ALDH1A2: variants seen among roughly 807,000 people sequenced by gnomAD.
ALDH1A2 encodes retinal dehydrogenase 2.
ALDH1A2 carries 27 observed loss-of-function variants against 60.3 expected under a neutral mutation model. The observed-to-expected ratio is 0.45, with a 90% CI of 0.33 to 0.62. The LOEUF (loss-of-function observed/expected upper bound fraction) is 0.62. ALDH1A2 is among the 20% of genes least tolerant of loss of function. ALDH1A2 has a pLI of 0.02. For synonymous variants in ALDH1A2, 289 were observed against 232.4 expected (o/e 1.24, Z -2.21); for missense variants, 581 against 643.8 (o/e 0.90, Z 1.06).
At chr15:58,020,274 T>C (rs564092211) in intron 1 of ALDH1A2, among the ~76,000 whole-genome samples, 16 of 152,228 alleles carry the variant, frequency 1.1e-4, no homozygotes, top group Non-Finnish European at 1.9e-4. Context: ...AGTGCTGCAA[T>C]GAACATACGT....
At chr15:58,006,450 G>A (rs1025542483) in intron 4 of ALDH1A2, among the ~76,000 whole-genome samples, 16 of 151,906 alleles carry the variant, frequency 1.1e-4, no homozygotes, top group African/African-American at 3.4e-4. Context: ...TATTTTTGCA[G>A]TTTCAAATTG....
At chr15:57,994,977 C>A in intron 5 of ALDH1A2, 101 bp downstream of exon 5, 1 of 1,155,628 alleles carries the variant, frequency 8.7e-7, no homozygotes, top group Non-Finnish European at 1.3e-6. Context: ...TTTTTTCCTC[C>A]AGTAATGGAA....
intron 7 of ALDH1A2, among the ~76,000 whole-genome samples, chr15:57,983,326 G>C (rs1894578954): frequency 6.6e-6 from 1 of 152,142 alleles, no homozygotes; most frequent in South Asian, 2.1e-4. Context: ...AACACATTGT[G>C]AGTCCCTGAG....
intron 4 of ALDH1A2, among the ~76,000 whole-genome samples, chr15:58,007,950 T>G (rs1895512052): frequency 6.6e-6 from 1 of 152,088 alleles, no homozygotes; most frequent in South Asian, 2.1e-4. Flanking sequence ...GATCTTCCCC[T>G]ATGACTCCCC....
At chr15:57,971,967 C>T (rs1321467777) in intron 7 of ALDH1A2, among the ~76,000 whole-genome samples, 6 of 152,156 alleles carry the variant, frequency 3.9e-5, no homozygotes, top group African/African-American at 9.7e-5. Flanking sequence ...TGGGCTCACA[C>T]GATCTTCTGG....
At chr15:57,966,797 A>G (rs1596069032) in intron 7 of ALDH1A2, among the ~76,000 whole-genome samples, 1 of 152,166 alleles carries the variant, frequency 6.6e-6, no homozygotes, top group African/African-American at 2.4e-5. Flanking sequence ...CCACTTCCCC[A>G]GGGCCACTCC....
At position 57,955,489 on chromosome 15, in the gene ALDH1A2, A is replaced by AAAG. The variant is rs570589903; in HGVS notation, c.1485-223_1485-221dup. Among the ~76,000 whole-genome samples the AAAG allele has an allele frequency of 3.1e-3, 466 of 152,322 alleles. 4 individuals carry two copies. Among genetic ancestry groups the AAAG allele is most frequent in the African/African-American group, 0.011 (438 of 41,578 alleles). On this transcript the variant is annotated intron_variant, in intron 12 of 12. Transcript: ENST00000249750. ...TTTAAAGAAGTTTTTTTAAAACTTT[A>AAAG]AAGTTTTTTAAAGTAGTTTTAAAGT...
At chr15:57,970,517 C>A (rs751412524) in intron 7 of ALDH1A2, among the ~76,000 whole-genome samples, 3 of 152,162 alleles carry the variant, frequency 2.0e-5, no homozygotes, top group Non-Finnish European at 4.4e-5. Flanking sequence ...TAGGGGAAAG[C>A]AATTTGGGGC....
intron 7 of ALDH1A2, chr15:57,990,591 T>C (rs1191813456): frequency 6.6e-6 from 1 of 152,168 alleles, no homozygotes; most frequent in African/African-American, 2.4e-5. Flanking sequence ...AGTTACACAA[T>C]AGGCCGGACA....
At chr15:58,013,280 C>T (rs560899939) in intron 3 of ALDH1A2, among the ~76,000 whole-genome samples, 3 of 152,110 alleles carry the variant, frequency 2.0e-5, no homozygotes, top group Non-Finnish European at 2.9e-5. Flanking sequence ...ATTTGATACT[C>T]GTTTTCTGCA....
chr15:58,056,701 A>T (rs1358919806), intron 1 of ALDH1A2, among the ~76,000 whole-genome samples: 2 of 152,180 alleles, frequency 1.3e-5, no homozygotes, highest in African/African-American at 2.4e-5. Context: ...ACTGATAACA[A>T]ATCAGTAAAT....
chr15:57,955,096 A>T lies in ALDH1A2; in HGVS notation c.*101T>A. 1 of 1,243,310 alleles carries T rather than the reference A, an allele frequency of 8.0e-7. No homozygotes were observed. 77.0% of individuals were successfully genotyped at this position (1,243,310 alleles called of 1,614,324 possible). ...ATGTTATCTTTTCAATCTTTAAGTA[A>T]GGACCGTGGCTCAACTTTGTATTCC... On this transcript the variant is annotated 3_prime_UTR_variant, in exon 13 of 13. Coordinates refer to ENST00000249750, the MANE Select transcript of ALDH1A2 (RefSeq NM_003888.4).
At chr15:57,965,646 T>C (rs554220335) in intron 8 of ALDH1A2, 79 bp downstream of exon 8, 2 of 1,021,904 alleles carry the variant, frequency 2.0e-6, no homozygotes, top group Non-Finnish European at 3.1e-6. Context: ...TTTGCTAGTG[T>C]CCCATCAAAA....
chr15:58,062,873 C>T (rs187257392), intron 1 of ALDH1A2, among the ~76,000 whole-genome samples: 1 of 152,172 alleles, frequency 6.6e-6, no homozygotes, highest in South Asian at 2.1e-4. Context: ...ATGTAACTGC[C>T]TAAAAGTCCA....
At chr15:58,065,214 C>T in intron 1 of ALDH1A2, 1 of 349,654 alleles carries the variant, frequency 2.9e-6, no homozygotes, top group Non-Finnish European at 5.4e-6. Context: ...GCGGTTCCGA[C>T]GCCTTCCCCC....
chr15:58,047,695 C>T (rs1896669198), intron 1 of ALDH1A2, among the ~76,000 whole-genome samples: 1 of 151,998 alleles, frequency 6.6e-6, no homozygotes, highest in Admixed American at 6.6e-5. Flanking sequence ...AACAATAAGG[C>T]AAGTGCTCAG....
intron 4 of ALDH1A2, among the ~76,000 whole-genome samples, chr15:58,003,126 G>C (rs540281645): frequency 1.3e-5 from 2 of 151,702 alleles, no homozygotes; most frequent in Non-Finnish European, 2.9e-5. Flanking sequence ...TTACTTCTCT[G>C]GACCTTCTCT....
intron 5 of ALDH1A2, among the ~76,000 whole-genome samples, chr15:57,993,391 G>A (rs1331326599): frequency 2.6e-5 from 4 of 151,914 alleles, no homozygotes; most frequent in Admixed American, 2.0e-4. Context: ...TTAGGCTTTG[G>A]TTCCAATAAG....
chr15:57,985,181 C>G (rs541696856), intron 7 of ALDH1A2, among the ~76,000 whole-genome samples: 112 of 152,280 alleles, frequency 7.4e-4, no homozygotes, highest in Admixed American at 1.3e-3. Flanking sequence ...CCCAGTTCAT[C>G]TGACTCCCAA....
Sources: allele counts gnomAD v4.1 joint callset (sites outside exome capture counted in the v4.1 genomes callset), GRCh38; gene constraint gnomAD v4.1.1; transcripts MANE v1.5; gene names NCBI Gene and HGNC (gene_info 2026-07-23, HGNC 2026-07-21).